ZNF518A: variants seen among roughly 807,000 people sequenced by gnomAD.
ZNF518A encodes the protein zinc finger protein 518.
Under a neutral mutation model 102.7 loss-of-function variants are expected in ZNF518A, and 47 were observed. That is an observed-to-expected ratio of 0.46 (90% CI 0.36 to 0.58). The LOEUF is 0.58. Ranked by LOEUF, ZNF518A falls within the 20% of genes least tolerant of loss-of-function variation. ZNF518A has a pLI of 0.00. For synonymous variants in ZNF518A, 652 were observed against 594.6 expected (o/e 1.10, Z -1.40); for missense variants, 1,793 against 1,699.8 (o/e 1.05, Z -0.96).
rs1255031506 is a variant in ZNF518A, at chr10:96,159,599, C to T, written c.3277C>T (p.Pro1093Ser). ...KQQNEIFPKP[P>S]LYTFLPDGKQ... ...GCAGAATGAGATTTTTCCAAAACCA[C>T]CTCTTTATACCTTCTTGCCTGATGG... Residue 1093 changes from proline to serine, a missense_variant, in exon 6 of 6, where the codon CCT (proline) becomes TCT (serine). By Grantham distance (74) the Pro-to-Ser change is moderately conservative. This residue lies in a region of ZNF518A where 1,741 missense variants were observed against 1,622.6 expected (regional missense o/e 1.07). Transcript: ENST00000316045. The T allele has an allele frequency of 1.9e-6, 3 of 1,613,736 alleles. No homozygotes were observed. The highest frequency in any genetic ancestry group is 1.3e-5 in the African/African-American group (1 of 74,902).
intron 1 of ZNF518A, 161 bp downstream of exon 1, chr10:96,130,913 CAT>C (rs2081302266): frequency 6.6e-6 from 1 of 152,184 alleles, no homozygotes. Flanking sequence ...TTGAAAAGTA[CAT>C]AGAGCGAAAT....
Position 96,134,146 on chromosome 10 carries a change from AT to A in ZNF518A, c.-302+500del, listed in dbSNP as rs1218144789. Among the ~76,000 whole-genome samples the A allele has an allele frequency of 1.1e-4, 16 of 152,358 alleles. No individual in the cohort carries two copies. The East Asian group carries it at 2.9e-3, about 28-fold the overall frequency. Reference sequence around the variant, plus strand: ...CACTGGAACATTTTGGATTTTGGATATTCAGCCAGTAAGTAATGCAAATATT... The same window carrying A: ...CACTGGAACATTTTGGATTTTGGATATCAGCCAGTAAGTAATGCAAATATT... On this transcript the variant is annotated intron_variant, in intron 3 of 5. Transcript: ENST00000316045.
chr10:96,192,917 G>T (rs2083365089), intron 1 of ZNF518A, among the ~76,000 whole-genome samples: 3 of 152,164 alleles, frequency 2.0e-5, no homozygotes, highest in Non-Finnish European at 4.4e-5. Context: ...CATGAGTTTA[G>T]CAGTTACTAT....
chr10:96,201,896 A>AT, intron 1 of ZNF518A, among the ~76,000 whole-genome samples: 1 of 152,198 alleles, frequency 6.6e-6, no homozygotes, highest in African/African-American at 2.4e-5. Flanking sequence ...CATAAGTAAA[A>AT]AATATATATA....
rs2082721879 is a variant in ZNF518A at position 96,156,921 on chromosome 10, C to T, written c.599C>T (p.Thr200Ile). ...LLNLTKHFTSTHCVNGNFQCE... is the reference protein window; with the variant it reads ...LLNLTKHFTSIHCVNGNFQCE... Reference sequence around the variant, plus strand: ...AACTTGACAAAGCATTTCACATCCACACATTGTGTTAATGGTAATTTTCAA... The same window carrying T: ...AACTTGACAAAGCATTTCACATCCATACATTGTGTTAATGGTAATTTTCAA... Residue 200 changes from threonine to isoleucine, a missense_variant, in exon 6 of 6, where the codon ACA (threonine) becomes ATA (isoleucine). Physicochemically the swap from Thr to Ile is moderately conservative, Grantham distance 89 (BLOSUM62 -1). Coordinates refer to ENST00000316045, the MANE Select transcript of ZNF518A (RefSeq NM_001330736.2). 1 of 1,613,750 alleles carries T rather than the reference C, an allele frequency of 6.2e-7. No individual in the cohort carries two copies. The highest frequency in any genetic ancestry group is 8.5e-7 in the Non-Finnish European group (1 of 1,179,802).
intron 1 of ZNF518A, among the ~76,000 whole-genome samples, chr10:96,203,014 A>G (rs1376054375): frequency 6.6e-6 from 1 of 152,108 alleles, no homozygotes; most frequent in Non-Finnish European, 1.5e-5. Flanking sequence ...TCTTTATAGC[A>G]CTTCAGCATT....
At chr10:96,172,928 C>T (rs1279257775) in intron 1 of ZNF518A, among the ~76,000 whole-genome samples, 13 of 152,066 alleles carry the variant, frequency 8.5e-5, no homozygotes, top group African/African-American at 2.2e-4. Flanking sequence ...CATATCTGTG[C>T]GTTCTACATC....
chr10:96,186,105 C>T (rs587732237), intron 1 of ZNF518A, among the ~76,000 whole-genome samples: 77 of 152,280 alleles, frequency 5.1e-4, no homozygotes, highest in South Asian at 1.4e-3. Flanking sequence ...GGCAGTGTCC[C>T]GATTTTCCTG....
rs2082844297 is a variant in ZNF518A at position 96,158,837 on chromosome 10, T to C, written c.2515T>C (p.Phe839Leu). 1.2e-6 allele frequency: 2 copies of C among 1,613,810 alleles called. No homozygotes were observed. The highest frequency in any genetic ancestry group is 1.7e-5 in the Admixed American group (1 of 59,990). ...GAAAGATTTCAAAGTGCAAGGCATC[T>C]TCCCAGTTCCACCTGGCAGTGTGGG... is the stretch of plus-strand genomic sequence containing the variant. ...SSKDFKVQGI[F>L]PVPPGSVGIN... is the part of the protein sequence containing the mutation. The change falls in exon 6 of 6, where the codon TTC (phenylalanine) becomes CTC (leucine). Residue 839 changes from phenylalanine to leucine, a missense_variant. Physicochemically the swap from Phe to Leu is conservative, Grantham distance 22 (BLOSUM62 0). Around this residue, in one of 3 missense-constraint regions of ZNF518A, gnomAD observed 1,741 missense variants for 1,622.6 expected, o/e 1.07. Coordinates refer to ENST00000316045, the MANE Select transcript of ZNF518A (RefSeq NM_001330736.2).
At chr10:96,180,180 CTTTT>C (rs60561670) in intron 1 of ZNF518A, among the ~76,000 whole-genome samples, 28,406 of 96,118 alleles carry the variant, frequency 0.3, 3,813 homozygotes, top group Admixed American at 0.35. Context: ...GCTCCAGCCT[CTTTT>C]TTTTTTTTTT....
At chr10:96,167,271 G>A (rs2083147137), downstream of ZNF518A, among the ~76,000 whole-genome samples, 1 of 152,066 alleles carries the variant, frequency 6.6e-6, no homozygotes, top group African/African-American at 2.4e-5. Flanking sequence ...GACCAGCCTG[G>A]CCAAAATGGT....
rs1554883031 is a variant in ZNF518A at position 96,157,116 on chromosome 10, A to G, written c.794A>G (p.Gln265Arg). ...IHSGTFPFTC[Q>R]YCSYGATRRE... is the part of the protein sequence containing the mutation. ...TCTGGTACTTTTCCCTTCACTTGTCAATATTGTAGCTATGGTGCCACCAGG... is the reference window on the plus strand; with the variant it reads ...TCTGGTACTTTTCCCTTCACTTGTCGATATTGTAGCTATGGTGCCACCAGG... The change falls in exon 6 of 6, where the codon CAA (glutamine) becomes CGA (arginine). Residue 265 changes from glutamine (Q) to arginine (R), a missense_variant. Coordinates refer to ENST00000316045, the MANE Select transcript of ZNF518A (RefSeq NM_001330736.2). The G allele has an allele frequency of 1.9e-6, 3 of 1,613,848 alleles. No homozygotes were observed. Among genetic ancestry groups the G allele is most frequent in the South Asian group, 2.2e-5 (2 of 91,066 alleles).
rs587687900 is a variant in ZNF518A at position 96,162,000 on chromosome 10, T to A, written c.*1226T>A. On this transcript the variant is annotated 3_prime_UTR_variant, in exon 6 of 6. Transcript: ENST00000316045. ...TCATAGATTTAGATTTTTCACCTTG[T>A]AAGTTTGGATCAAATTTTGCTGGTT... 6.0e-6 allele frequency: 1 copy of A among 167,118 alleles called. No homozygotes were observed. Among genetic ancestry groups the A allele is most frequent in the African/African-American group, 2.4e-5 (1 of 41,574 alleles). 10.4% of individuals were successfully genotyped at this position (167,118 alleles called of 1,614,324 possible). A position where few individuals can be genotyped will look rare whatever the true frequency, so the allele number is the denominator to read the frequency against.
chr10:96,201,184 T>C (rs2083623714), intron 1 of ZNF518A: 1 of 851,494 alleles, frequency 1.2e-6, no homozygotes, highest in Admixed American at 2.0e-5. Flanking sequence ...CTTAAGGCAA[T>C]GGTTCCAAAA....
rs2083725321 is a variant in ZNF518A at position 96,203,948 on chromosome 10, G to A, written n.119G>A. On this transcript the variant is annotated non_coding_transcript_exon_variant, in exon 3 of 3. Coordinates refer to the ZNF518A transcript ENST00000442635. Reference sequence around the variant, plus strand: ...AGGAAACAAGTGGGAGAAGATGCCAGGATAACGCAGCTGGAAGCGACAGTG... The same window carrying A: ...AGGAAACAAGTGGGAGAAGATGCCAAGATAACGCAGCTGGAAGCGACAGTG... 5.9e-6 allele frequency: 5 copies of A among 851,766 alleles called. No individual in the cohort carries two copies. In the Admixed American group the frequency reaches 9.6e-5, roughly 16 times the overall value. 52.8% of individuals were successfully genotyped at this position (851,766 alleles called of 1,614,324 possible).
intron 1 of ZNF518A, among the ~76,000 whole-genome samples, chr10:96,184,535 G>A (rs2133895811): frequency 6.6e-6 from 1 of 152,268 alleles, no homozygotes; most frequent in African/African-American, 2.4e-5. Flanking sequence ...TGTCTGTAAA[G>A]GATTTTATTT....
chr10:96,185,357 G>A (rs1193592853), intron 1 of ZNF518A, among the ~76,000 whole-genome samples: 1 of 152,166 alleles, frequency 6.6e-6, no homozygotes, highest in African/African-American at 2.4e-5. Context: ...GGCGAGGAGA[G>A]GAGCTGCAAT....
chr10:96,167,597 ATAAC>A (rs2083149404), downstream of ZNF518A, among the ~76,000 whole-genome samples: 1 of 152,208 alleles, frequency 6.6e-6, no homozygotes, highest in African/African-American at 2.4e-5. Flanking sequence ...GAAAAGTACA[ATAAC>A]TACAATTTTA....
At chr10:96,195,698 T>C (rs1447768765) in intron 1 of ZNF518A, among the ~76,000 whole-genome samples, 1 of 152,238 alleles carries the variant, frequency 6.6e-6, no homozygotes, top group Non-Finnish European at 1.5e-5. Context: ...GTTTTAGTTC[T>C]ATAAGATGAA....
Sources: gnomAD v4.1 joint callset for allele counts (sites outside exome capture counted in the v4.1 genomes callset) on GRCh38, gnomAD v4.1.1 for gene constraint, gnomAD v4.1.1 regional missense constraint, MANE v1.5 for transcripts, NCBI Gene and HGNC (gene_info 2026-07-23, HGNC 2026-07-21) for gene names.